Variants in BBOF1 observed in about 807,000 individuals in gnomAD.
The protein encoded by BBOF1 is basal body orientation factor 1, also known as basal body-orientation factor 1.
In BBOF1, 62 loss-of-function variants were observed where a neutral mutation model predicts 68.0. The observed-to-expected ratio is 0.91, with a 90% CI of 0.74 to 1.13. BBOF1 has a LOEUF of 1.13. BBOF1 is among the 50% of genes most tolerant of loss of function. The pLI is 0.00. For missense variants in BBOF1, 534 were observed against 600.1 expected, an observed-to-expected ratio of 0.89 and a Z score of 1.15; for synonymous variants, 208 against 198.8, an observed-to-expected ratio of 1.05 and a Z score of -0.39.
chr14:74,031,302 G>A (rs887348207), intron 3 of BBOF1, among the ~76,000 whole-genome samples: 1 of 151,820 alleles, frequency 6.6e-6, no homozygotes, highest in East Asian at 1.9e-4. Context: ...TTGTAGAGAT[G>A]GGGTCTCCCT....
chr14:74,060,783 G>T (rs1280161875), intron 11 of BBOF1: 2 of 1,429,612 alleles, frequency 1.4e-6, no homozygotes, highest in Non-Finnish European at 2.0e-6. Context: ...ATATATTTCT[G>T]GGGTTTCATG....
intron 2 of BBOF1, among the ~76,000 whole-genome samples, chr14:74,026,633 T>C (rs1047345409): frequency 6.6e-6 from 1 of 151,738 alleles, no homozygotes; most frequent in African/African-American, 2.4e-5. Context: ...TAATAAATAA[T>C]AGCAAAAATG....
At chr14:74,082,393 G>GTTTTTTTTTT (rs869211328) in intron 12 of BBOF1, among the ~76,000 whole-genome samples, 1 of 77,568 alleles carries the variant, frequency 1.3e-5, no homozygotes. Context: ...CAAAATCGAG[G>GTTTTTTTTTT]TTTTTTTTTT....
intron 2 of BBOF1, among the ~76,000 whole-genome samples, chr14:74,028,639 G>A (rs2059492457): frequency 6.6e-6 from 1 of 151,860 alleles, no homozygotes; most frequent in Non-Finnish European, 1.5e-5. Context: ...CAGCACTTAG[G>A]CCAAGGCAGG....
chr14:74,020,486 T>G (rs1455911261), intron 1 of BBOF1, among the ~76,000 whole-genome samples: 1 of 151,726 alleles, frequency 6.6e-6, no homozygotes, highest in African/African-American at 2.4e-5. Flanking sequence ...TTAGAGTGTC[T>G]AATTTCTTGC....
intron 7 of BBOF1, chr14:74,048,327 T>A: frequency 3.5e-6 from 1 of 288,832 alleles, no homozygotes; most frequent in Non-Finnish European, 6.4e-6. Flanking sequence ...CCTTAGAATA[T>A]TCATTTTTCT....
At chr14:74,023,485 A>G (rs1439428946) in intron 2 of BBOF1, among the ~76,000 whole-genome samples, 1 of 152,200 alleles carries the variant, frequency 6.6e-6, no homozygotes, top group Admixed American at 6.5e-5. Flanking sequence ...AAATTTGTAA[A>G]GCAGTTCACT....
chr14:74,042,476 G>C (rs2059844161), intron 5 of BBOF1, among the ~76,000 whole-genome samples: 1 of 152,178 alleles, frequency 6.6e-6, no homozygotes, highest in African/African-American at 2.4e-5. Flanking sequence ...TTATATATGA[G>C]AGCAGATGGC....
intron 2 of BBOF1, among the ~76,000 whole-genome samples, chr14:74,025,910 G>T (rs1044935635): frequency 6.8e-6 from 1 of 147,000 alleles, no homozygotes; most frequent in Non-Finnish European, 1.5e-5. Context: ...CGGGGTGGGG[G>T]GGGTGCATCA....
Position 74,049,794 on chromosome 14 carries a change from G to A in BBOF1, c.885G>A (p.Leu295=), listed in dbSNP as rs34076068. 0.14 allele frequency: 225,007 copies of A among 1,613,962 alleles called. 17,511 individuals carry two copies. Among genetic ancestry groups the A allele is most frequent in the Admixed American group, 0.27 (15,989 of 59,984 alleles). Residue 295 remains leucine, a synonymous_variant, in exon 8 of 12, where the codon TTG becomes TTA. Coordinates refer to ENST00000394009, the MANE Select transcript of BBOF1 (RefSeq NM_025057.3). ...IQTLQKKVVN[L]ETALSYMTKE... is the part of the protein sequence containing the mutation. ...CCCTTCAGAAGAAGGTAGTAAACTT[G>A]GAGACTGCTCTGAGTTACATGACCA...
At chr14:74,037,477 A>G (rs2059733533) in intron 4 of BBOF1, among the ~76,000 whole-genome samples, 1 of 130,726 alleles carries the variant, frequency 7.6e-6, no homozygotes, top group African/African-American at 2.9e-5. Context: ...TTTTTTTTTG[A>G]GATGGGGTTT....
chr14:74,031,699 T>C (rs1167569746), intron 3 of BBOF1: 1 of 152,050 alleles, frequency 6.6e-6, no homozygotes, highest in Non-Finnish European at 1.5e-5. Flanking sequence ...TCTTCACCAA[T>C]CCCATCATGG....
intron 11 of BBOF1, among the ~76,000 whole-genome samples, chr14:74,064,283 G>A (rs1028004517): frequency 3.5e-5 from 5 of 142,416 alleles, no homozygotes; most frequent in African/African-American, 8.1e-5. Context: ...GGGCAACAGA[G>A]CGAGACTGTG....
At chr14:74,044,475 C>CTT (rs35074690) in intron 5 of BBOF1, among the ~76,000 whole-genome samples, 32,521 of 135,248 alleles carry the variant, frequency 0.24, 4,517 homozygotes, top group South Asian at 0.46. Context: ...AACCTCTTCT[C>CTT]TTTTTTTTTT....
At chr14:74,048,814 T>C (rs911000902) in intron 7 of BBOF1, among the ~76,000 whole-genome samples, 1 of 152,122 alleles carries the variant, frequency 6.6e-6, no homozygotes, top group Non-Finnish European at 1.5e-5. Flanking sequence ...AAATAGATAT[T>C]GGGATAGGCA....
Position 74,035,519 on chromosome 14 carries a change from C to T in BBOF1, c.495+1348C>T, listed in dbSNP as rs370598429. On this transcript the variant is annotated intron_variant, in intron 4 of 11. Coordinates refer to ENST00000394009, the MANE Select transcript of BBOF1 (RefSeq NM_025057.3). ...GCAACCTCTGCCTCCTGGGTTCAAG[C>T]GATTCTCGCTGCCTCAGCCTCCCGA... 1.3e-3 allele frequency among the ~76,000 whole-genome samples: 197 copies of T among 146,436 alleles called. 1 individual carries two copies. Among genetic ancestry groups the T allele is most frequent in the African/African-American group, 4.7e-3 (184 of 39,214 alleles).
At position 74,019,452 on chromosome 14, in the gene BBOF1, G is replaced by C; in HGVS notation, c.-27G>C. On this transcript the variant is annotated 5_prime_UTR_variant, in exon 1 of 12. Coordinates refer to ENST00000394009, the MANE Select transcript of BBOF1 (RefSeq NM_025057.3). The stretch of plus-strand genomic sequence containing the variant: ...AGGGCGGCCGCGGCTGGGCAACTAC[G>C]ACAGCGGAGCCCCTGGGGAAGCCAA... The C allele has an allele frequency of 6.3e-7, 1 of 1,594,690 alleles. No individual in the cohort carries two copies.
chr14:74,040,652 A>C lies in BBOF1; in HGVS notation c.576+7A>C, dbSNP rs749567926. ...CAGATTTTTTGAAGAAAAGGTACAG[A>C]TTATTAGGGTTAATTTAAAATGTTT... On this transcript the variant is annotated splice_region_variant and intron_variant, in intron 5 of 11. Coordinates refer to ENST00000394009, the MANE Select transcript of BBOF1 (RefSeq NM_025057.3). 5.1e-5 allele frequency: 77 copies of C among 1,520,066 alleles called. No individual in the cohort carries two copies. The highest frequency in any genetic ancestry group is 6.6e-5 in the Non-Finnish European group (74 of 1,117,004). 94.2% of individuals were successfully genotyped at this position (1,520,066 alleles called of 1,614,324 possible). A position where few individuals can be genotyped will look rare whatever the true frequency, so the allele number is the denominator to read the frequency against.
chr14:74,025,422 C>G (rs368136769), intron 2 of BBOF1, among the ~76,000 whole-genome samples: 1 of 152,120 alleles, frequency 6.6e-6, no homozygotes, highest in African/African-American at 2.4e-5. Flanking sequence ...AGTTTTGTTA[C>G]TCATTTTGCT....
Sources: gnomAD v4.1 joint callset for allele counts (sites outside exome capture counted in the v4.1 genomes callset) on GRCh38, gnomAD v4.1.1 for gene constraint, MANE v1.5 for transcripts, NCBI Gene and HGNC (gene_info 2026-07-23, HGNC 2026-07-21) for gene names.